THRB: variants seen among roughly 807,000 people sequenced by gnomAD.
THRB encodes the protein thyroid hormone receptor beta, also known as nuclear receptor subfamily 1 group A member 2.
In THRB, 12 loss-of-function variants were observed where a neutral mutation model predicts 47.8. That is an observed-to-expected ratio of 0.25 (90% CI 0.16 to 0.41). The LOEUF (loss-of-function observed/expected upper bound fraction) is 0.41, where lower values mean the gene tolerates loss of function less well. Ranked by LOEUF, THRB falls within the 10% of genes least tolerant of loss-of-function variation. The pLI, the probability that THRB is intolerant of heterozygous loss-of-function variation, is 1.00. For synonymous variants in THRB, 218 were observed against 212.2 expected (o/e 1.03, Z -0.24); for missense variants, 348 against 589.2 (o/e 0.59, Z 4.24).
At chr3:24,426,518 C>T (rs1428929872) in intron 1 of THRB, among the ~76,000 whole-genome samples, 2 of 151,854 alleles carry the variant, frequency 1.3e-5, no homozygotes, top group South Asian at 2.1e-4. Flanking sequence ...CCATGTGAAT[C>T]GATTTTTTTG....
intron 5 of THRB, among the ~76,000 whole-genome samples, chr3:24,185,314 C>A (rs2042429580): frequency 6.6e-6 from 1 of 152,064 alleles, no homozygotes; most frequent in Non-Finnish European, 1.5e-5. Context: ...CTAGTATGAT[C>A]CCAGGTTTAT....
intron 2 of THRB, among the ~76,000 whole-genome samples, chr3:24,327,992 G>T (rs1255395731): frequency 6.6e-6 from 1 of 151,912 alleles, no homozygotes; most frequent in Non-Finnish European, 1.5e-5. Flanking sequence ...ATAGGAAATG[G>T]GTGCATGACA....
chr3:24,265,513 G>A (rs2052558974), intron 3 of THRB, among the ~76,000 whole-genome samples: 1 of 152,116 alleles, frequency 6.6e-6, no homozygotes. Flanking sequence ...GTCTAATCAG[G>A]TGCAGGATTT....
intron 4 of THRB, among the ~76,000 whole-genome samples, chr3:24,216,879 A>C (rs2046620232): frequency 6.6e-6 from 1 of 152,024 alleles, no homozygotes; most frequent in East Asian, 1.9e-4. Context: ...TGCATTGCTG[A>C]GTTCGATGGG....
intron 1 of THRB, among the ~76,000 whole-genome samples, chr3:24,414,695 G>A (rs1443533561): frequency 6.6e-6 from 1 of 151,768 alleles, no homozygotes; most frequent in African/African-American, 2.4e-5. Flanking sequence ...ATCACTTAAA[G>A]GGGTAAAATA....
rs201687110 is a variant in THRB, at chr3:24,308,160, TA to T, written c.-188-10790del. On this transcript the variant is annotated intron_variant, in intron 2 of 10. Transcript: ENST00000646209. ...CATCCTGTACATGTAGCCTGGAACT[TA>T]AAATAAAAGTTGGAGGAAAAGAAAA... 4.6e-3 allele frequency among the ~76,000 whole-genome samples: 703 copies of T among 152,032 alleles called. 2 individuals are homozygous for T. Among genetic ancestry groups the T allele is most frequent in the Middle Eastern group, 0.014 (4 of 294 alleles).
At chr3:24,491,349 T>C (rs577895103) in intron 1 of THRB, among the ~76,000 whole-genome samples, 1 of 152,226 alleles carries the variant, frequency 6.6e-6, no homozygotes, top group Non-Finnish European at 1.5e-5. Context: ...TCTTCAATTA[T>C]AATTTCCTTT....
rs2030899245 is a variant in THRB, at chr3:24,117,619, A to G, written c.*5265T>C. On this transcript the variant is annotated 3_prime_UTR_variant, in exon 11 of 11. Transcript: ENST00000646209. ...GCTCATCCTGGAGCTATTGGAGGCCACCGTAAGGTGAAAGGCCATGTGAAT... is the reference window on the plus strand; with the variant it reads ...GCTCATCCTGGAGCTATTGGAGGCCGCCGTAAGGTGAAAGGCCATGTGAAT... 6.6e-6 allele frequency: 1 copy of G among 152,240 alleles called. No homozygotes were observed. Among genetic ancestry groups the G allele is most frequent in the Non-Finnish European group, 1.5e-5 (1 of 68,042 alleles). 9.4% of individuals were successfully genotyped at this position (152,240 alleles called of 1,614,324 possible). A position where few individuals can be genotyped will look rare whatever the true frequency, so the allele number is the denominator to read the frequency against.
chr3:24,153,796 G>C (rs1261824947), intron 5 of THRB, among the ~76,000 whole-genome samples: 1 of 152,176 alleles, frequency 6.6e-6, no homozygotes, highest in Non-Finnish European at 1.5e-5. Context: ...GTTGGGATGT[G>C]AAGAAGGAAG....
At chr3:24,205,816 C>T (rs978820817) in intron 4 of THRB, among the ~76,000 whole-genome samples, 1 of 152,004 alleles carries the variant, frequency 6.6e-6, no homozygotes, top group Admixed American at 6.6e-5. Context: ...ATCTACCAAG[C>T]AAATGGAAAA....
At chr3:24,255,253 A>G (rs1426938206) in intron 3 of THRB, among the ~76,000 whole-genome samples, 3 of 152,140 alleles carry the variant, frequency 2.0e-5, no homozygotes, top group African/African-American at 7.2e-5. Context: ...CCCTCTATGC[A>G]TCCTTTTGTG....
intron 1 of THRB, among the ~76,000 whole-genome samples, chr3:24,478,874 G>A (rs545279914): frequency 6.6e-6 from 1 of 152,318 alleles, no homozygotes; most frequent in African/African-American, 2.4e-5. Flanking sequence ...GTTTCCAACA[G>A]GGATGATTTT....
At chr3:24,188,892 A>G (rs1238667703) in intron 5 of THRB, among the ~76,000 whole-genome samples, 1 of 82,062 alleles carries the variant, frequency 1.2e-5, no homozygotes, top group Non-Finnish European at 2.2e-5. Flanking sequence ...TATGAGAGAA[A>G]GAGAGTCCAA....
intron 2 of THRB, among the ~76,000 whole-genome samples, chr3:24,330,283 C>T (rs1366618964): frequency 2.6e-5 from 4 of 151,944 alleles, no homozygotes; most frequent in Admixed American, 6.6e-5. Context: ...GTCCGCAGTC[C>T]GGCCTGGGCG....
chr3:24,429,441 A>G (rs1337272214), intron 1 of THRB, among the ~76,000 whole-genome samples: 3 of 151,970 alleles, frequency 2.0e-5, no homozygotes, highest in Non-Finnish European at 2.9e-5. Flanking sequence ...ATATGGCATG[A>G]ATGACAAAGA....
chr3:24,423,406 T>G (rs940457256), intron 1 of THRB, among the ~76,000 whole-genome samples: 2 of 151,696 alleles, frequency 1.3e-5, no homozygotes, highest in Admixed American at 1.3e-4. Flanking sequence ...TGGCTCCCAG[T>G]CTCCCAGCAC....
rs111549714 is a variant in THRB, at chr3:24,221,186, C to A, written c.22+7752G>T. Among the ~76,000 whole-genome samples, 239 of 152,222 alleles carry A rather than the reference C, an allele frequency of 1.6e-3. 1 individual carries two copies. Among genetic ancestry groups the A allele is most frequent in the Middle Eastern group, 6.8e-3 (2 of 294 alleles). On this transcript the variant is annotated intron_variant, in intron 4 of 10. Coordinates refer to ENST00000646209, the MANE Select transcript of THRB (RefSeq NM_001354712.2). The stretch of plus-strand genomic sequence containing the variant: ...TGGCAATGGTGGCAGGTGGTGGTGC[C>A]GTATAAAAATAACTCTTGGCTCATT...
At chr3:24,306,059 T>C (rs187185802) in intron 2 of THRB, among the ~76,000 whole-genome samples, 48 of 152,300 alleles carry the variant, frequency 3.2e-4, no homozygotes, top group Non-Finnish European at 5.1e-4. Context: ...TCAATTTTTG[T>C]TGTTGTTGTT....
chr3:24,255,915 G>A (rs958455482), intron 3 of THRB, among the ~76,000 whole-genome samples: 4 of 152,200 alleles, frequency 2.6e-5, no homozygotes, highest in Non-Finnish European at 5.9e-5. Flanking sequence ...GAGGGGGTGA[G>A]GGGAAGCCTT....
Sources: allele counts gnomAD v4.1 joint callset (sites outside exome capture counted in the v4.1 genomes callset), GRCh38; gene constraint gnomAD v4.1.1; transcripts MANE v1.5; gene names NCBI Gene and HGNC (gene_info 2026-07-23, HGNC 2026-07-21).